The following ELP4 variants were observed in gnomAD, a reference collection of about 807,000 sequenced individuals.
ELP4 encodes the protein elongator complex protein 4.
Under a neutral mutation model 48.9 loss-of-function variants are expected in ELP4, and 51 were observed. That is an observed-to-expected ratio of 1.04 (90% CI 0.83 to 1.32). ELP4 has a LOEUF of 1.32. ELP4 is among the 40% of genes most tolerant of loss of function. The pLI, the probability that ELP4 is intolerant of heterozygous loss-of-function variation, is 0.00. For missense variants in ELP4, 519 were observed against 514.6 expected, an observed-to-expected ratio of 1.01 and a Z score of -0.08; for synonymous variants, 210 against 189.2, an observed-to-expected ratio of 1.11 and a Z score of -0.90.
intron 9 of ELP4, among the ~76,000 whole-genome samples, chr11:31,722,175 A>G (rs780266942): frequency 5.3e-5 from 8 of 152,252 alleles, no homozygotes; most frequent in Admixed American, 2.6e-4. Context: ...CAACCTGGCC[A>G]TTGGAAGTAA....
At chr11:31,727,797 G>C (rs1209250249) in intron 9 of ELP4, 1 of 152,152 alleles carries the variant, frequency 6.6e-6, no homozygotes, top group African/African-American at 2.4e-5. Flanking sequence ...CACAGCCATA[G>C]GACAGGTTGA....
At chr11:31,521,092 G>C (rs1956205962) in intron 2 of ELP4, among the ~76,000 whole-genome samples, 1 of 152,062 alleles carries the variant, frequency 6.6e-6, no homozygotes, top group African/African-American at 2.4e-5. Context: ...TTTTCCCCAA[G>C]AGTGAGTAAA....
chr11:31,656,737 C>T (rs976999381), intron 9 of ELP4, among the ~76,000 whole-genome samples: 1 of 151,992 alleles, frequency 6.6e-6, no homozygotes, highest in African/African-American at 2.4e-5. Flanking sequence ...CAGGAGGATA[C>T]AGCCTCAGCA....
At position 31,539,696 on chromosome 11, in the gene ELP4, C is replaced by G; in HGVS notation, c.294C>G (p.Leu98=). Reference sequence around the variant, plus strand: ...AATATAATATTTACTCACCTTTGCTCTTCAAGTATTTCCTGGCAGAAGGAA... The same window carrying G: ...AATATAATATTTACTCACCTTTGCTGTTCAAGTATTTCCTGGCAGAAGGAA... ...EDKYNIYSPL[L]FKYFLAEGIV... The change falls in exon 3 of 10, where the codon CTC becomes CTG. Residue 98 remains leucine, a synonymous_variant. Transcript: ENST00000640961. The G allele has an allele frequency of 6.2e-7, 1 of 1,609,884 alleles. No individual in the cohort carries two copies. The highest frequency in any genetic ancestry group is 2.2e-5 in the East Asian group (1 of 44,702).
chr11:31,596,480 A>G (rs2133991916), intron 4 of ELP4, among the ~76,000 whole-genome samples: 1 of 152,312 alleles, frequency 6.6e-6, no homozygotes, highest in African/African-American at 2.4e-5. Context: ...CACCACACAG[A>G]AAATTTTCTG....
At chr11:31,758,178 G>T (rs529470280) in intron 9 of ELP4, among the ~76,000 whole-genome samples, 1 of 152,270 alleles carries the variant, frequency 6.6e-6, no homozygotes, top group South Asian at 2.1e-4. Flanking sequence ...TTTCAACACA[G>T]CTTAAAGTTA....
At chr11:31,528,782 C>A (rs1956341813) in intron 2 of ELP4, among the ~76,000 whole-genome samples, 1 of 152,044 alleles carries the variant, frequency 6.6e-6, no homozygotes, top group South Asian at 2.1e-4. Context: ...TCAGTTTAAA[C>A]ATAATGACTT....
At chr11:31,513,857 T>G (rs1956056049) in intron 1 of ELP4, among the ~76,000 whole-genome samples, 1 of 152,228 alleles carries the variant, frequency 6.6e-6, no homozygotes, top group Admixed American at 6.5e-5. Context: ...TTTTCTAATA[T>G]TATTTCTTAA....
At chr11:31,543,707 AC>A (rs1281561782) in intron 3 of ELP4, among the ~76,000 whole-genome samples, 1 of 152,218 alleles carries the variant, frequency 6.6e-6, no homozygotes, top group Admixed American at 6.5e-5. Context: ...AAAGCACATT[AC>A]ATAGATAGGA....
chr11:31,710,937 C>T (rs1341458850), intron 9 of ELP4, among the ~76,000 whole-genome samples: 3 of 152,090 alleles, frequency 2.0e-5, no homozygotes, highest in Non-Finnish European at 4.4e-5. Context: ...GGGGAGGTAA[C>T]TATGAGCACG....
intron 1 of ELP4, 67 bp from the exon 2 acceptor site, chr11:31,519,989 C>G: frequency 6.6e-7 from 1 of 1,512,256 alleles, no homozygotes; most frequent in East Asian, 2.3e-5. Flanking sequence ...TTCATAAAGC[C>G]TAACTTTTAT....
intron 4 of ELP4, among the ~76,000 whole-genome samples, chr11:31,602,494 G>C (rs971170663): frequency 6.6e-6 from 1 of 151,976 alleles, no homozygotes; most frequent in Non-Finnish European, 1.5e-5. Flanking sequence ...TCTTATTAAT[G>C]AAAGTAAGTA....
At chr11:31,726,149 A>C (rs1240847597) in intron 9 of ELP4, among the ~76,000 whole-genome samples, 1 of 152,178 alleles carries the variant, frequency 6.6e-6, no homozygotes, top group African/African-American at 2.4e-5. Context: ...AAAGTGAGTA[A>C]GCTTTTTTTC....
intron 2 of ELP4, among the ~76,000 whole-genome samples, chr11:31,535,225 A>C (rs1007648659): frequency 6.6e-6 from 1 of 152,250 alleles, no homozygotes; most frequent in Non-Finnish European, 1.5e-5. Flanking sequence ...TGTGCTAAGA[A>C]GGTATCTAAA....
chr11:31,571,971 G>A (rs1957200039), intron 3 of ELP4, among the ~76,000 whole-genome samples: 1 of 152,182 alleles, frequency 6.6e-6, no homozygotes, highest in South Asian at 2.1e-4. Context: ...GGAATGATAA[G>A]TGAGTATTGG....
At chr11:31,705,735 CAAG>C (rs1273050613) in intron 9 of ELP4, among the ~76,000 whole-genome samples, 1 of 152,158 alleles carries the variant, frequency 6.6e-6, no homozygotes, top group Non-Finnish European at 1.5e-5. Flanking sequence ...TCTCTAGAGA[CAAG>C]AAATCTGCAT....
At chr11:31,525,313 T>G (rs1229332596) in intron 2 of ELP4, among the ~76,000 whole-genome samples, 1 of 152,204 alleles carries the variant, frequency 6.6e-6, no homozygotes, top group Non-Finnish European at 1.5e-5. Context: ...AGTGCAGTCC[T>G]TTAGTAGAAC....
chr11:31,524,965 G>A (rs891790093), intron 2 of ELP4, among the ~76,000 whole-genome samples: 20 of 152,106 alleles, frequency 1.3e-4, no homozygotes, highest in South Asian at 2.1e-4. Context: ...GTGATAGAGC[G>A]AAACCCTGTC....
intron 3 of ELP4, among the ~76,000 whole-genome samples, chr11:31,544,928 A>C (rs6484506): frequency 1 from 151,710 of 152,256 alleles, 75,589 homozygotes; most frequent in Middle Eastern, 1. Flanking sequence ...TCCAACAGAC[A>C]TGCAGCTGAG....
Sources: gnomAD v4.1 joint callset for allele counts (sites outside exome capture counted in the v4.1 genomes callset) on GRCh38, gnomAD v4.1.1 for gene constraint, MANE v1.5 for transcripts, NCBI Gene and HGNC (gene_info 2026-07-23, HGNC 2026-07-21) for gene names.